Variants in GPC6 observed in about 807,000 individuals in gnomAD.
GPC6 encodes glypican 6, also known as glypican-6.
A neutral mutation model predicts 55.2 loss-of-function variants in GPC6; 14 were observed. The observed-to-expected ratio is 0.25, with a 90% confidence interval of 0.17 to 0.40. The LOEUF (loss-of-function observed/expected upper bound fraction) is 0.40. Among genes scored for constraint, GPC6 ranks in the 10% least tolerant of loss-of-function variants. The pLI, the probability that GPC6 is intolerant of heterozygous loss-of-function variation, is 1.00. For synonymous variants in GPC6, 278 were observed against 259.6 expected (o/e 1.07, Z -0.68); for missense variants, 641 against 708.5 (o/e 0.90, Z 1.08).
At chr13:93,787,445 G>A (rs1341429443) in intron 2 of GPC6, among the ~76,000 whole-genome samples, 1 of 152,160 alleles carries the variant, frequency 6.6e-6, no homozygotes, top group Non-Finnish European at 1.5e-5. Flanking sequence ...GCCAGATTTG[G>A]CCTTCAGTCC....
At chr13:94,132,655 C>T (rs1050720592) in intron 4 of GPC6, among the ~76,000 whole-genome samples, 8 of 152,134 alleles carry the variant, frequency 5.3e-5, no homozygotes, top group African/African-American at 1.9e-4. Flanking sequence ...CTAAATTAGT[C>T]ATTAAAGACT....
chr13:93,311,866 C>T (rs751876467), intron 1 of GPC6, among the ~76,000 whole-genome samples: 2 of 151,976 alleles, frequency 1.3e-5, no homozygotes, highest in Admixed American at 6.6e-5. Context: ...GCCTGGATGT[C>T]GGTTAACTAC....
At chr13:93,324,544 G>GTA (rs138069348) in intron 1 of GPC6, among the ~76,000 whole-genome samples, 34 of 132,926 alleles carry the variant, frequency 2.6e-4, no homozygotes, top group Non-Finnish European at 3.3e-4. Flanking sequence ...ATGTATGTGT[G>GTA]TATATATATA....
intron 1 of GPC6, among the ~76,000 whole-genome samples, chr13:93,393,699 C>T (rs796996120): frequency 7.3e-5 from 11 of 151,646 alleles, no homozygotes; most frequent in African/African-American, 2.7e-4. Flanking sequence ...CTCAATTTTC[C>T]ACCTAGAATT....
At chr13:93,443,812 A>T (rs1877894729) in intron 1 of GPC6, among the ~76,000 whole-genome samples, 1 of 152,212 alleles carries the variant, frequency 6.6e-6, no homozygotes, top group Non-Finnish European at 1.5e-5. Context: ...TGATCTAAGG[A>T]GTGTGAACTT....
At chr13:94,222,562 T>C (rs1054127061) in intron 4 of GPC6, among the ~76,000 whole-genome samples, 1 of 152,058 alleles carries the variant, frequency 6.6e-6, no homozygotes, top group Admixed American at 6.6e-5. Flanking sequence ...GGATGATCCT[T>C]AGTATTGGAA....
chr13:94,316,634 G>A (rs989768997), intron 6 of GPC6, among the ~76,000 whole-genome samples: 8 of 150,118 alleles, frequency 5.3e-5, no homozygotes, highest in African/African-American at 1.7e-4. Context: ...GGAGAATGGC[G>A]TGAACCCGGG....
intron 1 of GPC6, among the ~76,000 whole-genome samples, chr13:93,237,716 T>G (rs1876286475): frequency 7.1e-6 from 1 of 141,454 alleles, no homozygotes; most frequent in Non-Finnish European, 1.5e-5. Flanking sequence ...CAATTAAGTC[T>G]TTAATTCATC....
At chr13:94,179,552 A>G (rs1053455610) in intron 4 of GPC6, among the ~76,000 whole-genome samples, 2 of 152,146 alleles carry the variant, frequency 1.3e-5, no homozygotes, top group African/African-American at 4.8e-5. Context: ...AGGAGATGCT[A>G]GTCTCTGATA....
chr13:94,379,940 G>A (rs1410170027), intron 6 of GPC6, among the ~76,000 whole-genome samples: 4 of 152,176 alleles, frequency 2.6e-5, no homozygotes, highest in African/African-American at 4.8e-5. Flanking sequence ...ATAGCGCAGC[G>A]CAGAAAGCTG....
At chr13:93,833,640 A>G (rs1338008034) in intron 3 of GPC6, among the ~76,000 whole-genome samples, 2 of 152,016 alleles carry the variant, frequency 1.3e-5, no homozygotes, top group African/African-American at 4.8e-5. Flanking sequence ...CATCATGAAT[A>G]TCTTCTAATT....
intron 1 of GPC6, among the ~76,000 whole-genome samples, chr13:93,485,538 G>T (rs1278328434): frequency 1.3e-5 from 2 of 152,146 alleles, no homozygotes; most frequent in African/African-American, 4.8e-5. Context: ...ATAGCTCTCT[G>T]TACACTCCTT....
chr13:93,621,399 G>A (rs1333117344), intron 2 of GPC6, among the ~76,000 whole-genome samples: 6 of 152,132 alleles, frequency 3.9e-5, no homozygotes, highest in African/African-American at 1.4e-4. Context: ...ATTCAAATAA[G>A]ACCATAAAAA....
chr13:93,991,235 ATATTT>A (rs1191392073), intron 3 of GPC6, among the ~76,000 whole-genome samples: 1 of 152,292 alleles, frequency 6.6e-6, no homozygotes, highest in East Asian at 1.9e-4. Flanking sequence ...TTATTAGAAA[ATATTT>A]TAAGTTTATT....
chr13:93,267,086 A>G (rs1453667625), intron 1 of GPC6, among the ~76,000 whole-genome samples: 1 of 152,204 alleles, frequency 6.6e-6, no homozygotes, highest in Non-Finnish European at 1.5e-5. Flanking sequence ...GTTCACTAAT[A>G]GCAAAAGCCA....
chr13:93,904,379 C>T (rs756536316), intron 3 of GPC6, among the ~76,000 whole-genome samples: 12 of 152,046 alleles, frequency 7.9e-5, no homozygotes, highest in South Asian at 2.1e-4. Context: ...CCATCTTTAG[C>T]GACATTTACA....
rs78251337 is a variant in GPC6 at position 94,301,261 on chromosome 13, T to C, written c.1009-4719T>C. Among the ~76,000 whole-genome samples, 176 of 152,222 alleles carry C rather than the reference T, an allele frequency of 1.2e-3. 3 individuals carry two copies. The East Asian group carries it at 0.032, about 28-fold the overall frequency. ...AGAGACATCCATTAGCAGGGTGTGG[T>C]TGGCATGCACCTGTGGTCCCAGCTA... On this transcript the variant is annotated intron_variant, in intron 5 of 8. Coordinates refer to ENST00000377047, the MANE Select transcript of GPC6 (RefSeq NM_005708.5).
Position 93,895,222 on chromosome 13 carries a change from A to ATGTGTGTGTGTGTGTG in GPC6, c.711+64690_711+64691insGTGTGTGTGTGTGTGT, listed in dbSNP as rs369480808. On this transcript the variant is annotated intron_variant, in intron 3 of 8. Coordinates refer to ENST00000377047, the MANE Select transcript of GPC6 (RefSeq NM_005708.5). Reference sequence around the variant, plus strand: ...TATATATGTGTGTGTGTGTGTATGTATGTGTGTGTGTGTATATATATATAT... The same window carrying ATGTGTGTGTGTGTGTG: ...TATATATGTGTGTGTGTGTGTATGTATGTGTGTGTGTGTGTGTGTGTGTGTGTGTATATATATATAT... 7.6e-3 allele frequency among the ~76,000 whole-genome samples: 408 copies of ATGTGTGTGTGTGTGTG among 53,570 alleles called. 46 individuals are homozygous for ATGTGTGTGTGTGTGTG. The highest frequency in any genetic ancestry group is 0.03 in the African/African-American group (375 of 12,682). 35.1% of individuals were successfully genotyped at this position (53,570 alleles called of 152,430 possible). A position where few individuals can be genotyped will look rare whatever the true frequency, so the allele number is the denominator to read the frequency against.
chr13:94,113,890 C>T (rs1886334823), intron 4 of GPC6, among the ~76,000 whole-genome samples: 1 of 151,294 alleles, frequency 6.6e-6, no homozygotes, highest in South Asian at 2.1e-4. Flanking sequence ...GATGTGGTGG[C>T]ACATGTCTGT....
Sources: allele counts gnomAD v4.1 joint callset (sites outside exome capture counted in the v4.1 genomes callset), GRCh38; gene constraint gnomAD v4.1.1; transcripts MANE v1.5; gene names NCBI Gene and HGNC (gene_info 2026-07-23, HGNC 2026-07-21).